The following RBM39 variants were observed in gnomAD, a reference collection of about 807,000 sequenced individuals.
The protein encoded by RBM39 is RNA-binding protein 39.
RBM39 carries 12 observed loss-of-function variants against 79.6 expected under a neutral mutation model. That is an observed-to-expected ratio of 0.15 (90% CI 0.10 to 0.24). The LOEUF is 0.24. RBM39 is among the 10% of genes least tolerant of loss of function. The probability of loss-of-function intolerance (pLI) is 1.00; values close to 1 mark genes in which losing one functional copy is unlikely to be tolerated. For missense variants in RBM39, 243 were observed against 653.4 expected (o/e 0.37, Z 6.85); for synonymous variants, 185 against 208.4 (o/e 0.89, Z 0.97).
chr20:35,708,851 A>T (rs1034117756), intron 13 of RBM39: 11 of 192,930 alleles, frequency 5.7e-5, no homozygotes, highest in Non-Finnish European at 1.1e-4. Context: ...ATACTAAGAC[A>T]ACTTCCAGAT....
intron 9 of RBM39, among the ~76,000 whole-genome samples, chr20:35,718,081 G>C (rs1160998613): frequency 6.6e-6 from 1 of 151,948 alleles, no homozygotes; most frequent in Non-Finnish European, 1.5e-5. Context: ...GGATGGTCTT[G>C]ATCTCCTGAC....
Position 35,731,675 on chromosome 20 carries a change from A to C in RBM39, c.296+266T>G, listed in dbSNP as rs1179296011. 4 of 479,048 alleles carry C rather than the reference A, an allele frequency of 8.3e-6. No homozygotes were observed. The Admixed American group carries it at 1.5e-4, about 18-fold the overall frequency. 29.7% of individuals were successfully genotyped at this position (479,048 alleles called of 1,614,324 possible). On this transcript the variant is annotated intron_variant, in intron 4 of 16. Coordinates refer to ENST00000253363, the MANE Select transcript of RBM39 (RefSeq NM_184234.3). ...TTCAAGCACTCTAGTGCTTTCATCC[A>C]GTTTGCGTTGACTGGCATACAATTT... is the stretch of plus-strand genomic sequence containing the variant.
At chr20:35,725,908 C>T (rs2038626828) in intron 6 of RBM39, among the ~76,000 whole-genome samples, 1 of 152,060 alleles carries the variant, frequency 6.6e-6, no homozygotes, top group Non-Finnish European at 1.5e-5. Context: ...AGGTGATGTG[C>T]CCGCCTCGGC....
At position 35,729,649 on chromosome 20, in the gene RBM39, G is replaced by A. The variant is rs1042196607; in HGVS notation, c.297-122C>T. The A allele has an allele frequency of 1.9e-5, 16 of 852,482 alleles. No individual in the cohort carries two copies. The East Asian group carries it at 3.1e-4, about 17-fold the overall frequency. The allele number at this position is 852,482 out of a possible 1,614,324, so 52.8% of individuals were successfully genotyped here. A position where few individuals can be genotyped will look rare whatever the true frequency, so the allele number is the denominator to read the frequency against. ...ACTGCTTTTCCACCTCAGTTATGAA[G>A]AGGAAACAAAAATACTTGTCTCTTA... On this transcript the variant is annotated intron_variant, in intron 4 of 16. Coordinates refer to ENST00000253363, the MANE Select transcript of RBM39 (RefSeq NM_184234.3).
intron 14 of RBM39, 89 bp from the exon 15 acceptor site, chr20:35,705,419 G>T: frequency 1.4e-6 from 1 of 739,950 alleles, no homozygotes. Flanking sequence ...AATATTCTAT[G>T]AATTAAAAAA....
intron 9 of RBM39, among the ~76,000 whole-genome samples, chr20:35,718,026 A>T (rs1600467281): frequency 6.6e-6 from 1 of 151,696 alleles, no homozygotes; most frequent in East Asian, 2.0e-4. Context: ...GCCCAGCTAA[A>T]TTTTTTGTAT....
intron 4 of RBM39, 80 bp from the exon 5 acceptor site, chr20:35,729,607 C>G: frequency 1.6e-6 from 2 of 1,286,154 alleles, no homozygotes; most frequent in East Asian, 4.6e-5. Flanking sequence ...TCCAGCAAGA[C>G]TAACATTGTT....
At chr20:35,709,797 A>G (rs536058852) in intron 12 of RBM39, among the ~76,000 whole-genome samples, 1 of 152,322 alleles carries the variant, frequency 6.6e-6, no homozygotes, top group South Asian at 2.1e-4. Flanking sequence ...CAGTATGCAT[A>G]TATTATTTTT....
rs1328603714 is a variant in RBM39, at chr20:35,724,627, T to C, written c.630A>G (p.Ala210=). 1.2e-6 allele frequency: 2 copies of C among 1,614,056 alleles called. No individual in the cohort carries two copies. Among genetic ancestry groups the C allele is most frequent in the South Asian group, 2.2e-5 (2 of 91,084 alleles). ...EFVDVSSVPL[A]IGLTGQRVLG... is the part of the protein sequence containing the mutation. ...AAACTCGTTGGCCAGTTAATCCTAT[T>C]GCTAGAGGCACTGAGCTAACATCGA... Residue 210 remains alanine, a synonymous_variant, in exon 8 of 17, where the codon GCA becomes GCG. Coordinates refer to ENST00000253363, the MANE Select transcript of RBM39 (RefSeq NM_184234.3).
chr20:35,719,602 G>C (rs1416321759), intron 9 of RBM39, among the ~76,000 whole-genome samples: 1 of 151,958 alleles, frequency 6.6e-6, no homozygotes, highest in African/African-American at 2.4e-5. Flanking sequence ...AATTGAACCT[G>C]GGAGGCGGAG....
intron 16 of RBM39, 36 bp downstream of exon 16, chr20:35,704,632 T>TA: frequency 6.2e-7 from 1 of 1,611,154 alleles, no homozygotes; most frequent in Non-Finnish European, 8.5e-7. Flanking sequence ...TATAGAGCCT[T>TA]AATAACAATC....
rs547410561 is a variant in RBM39 at position 35,739,895 on chromosome 20, GGAGTA to G, written c.52-883_52-879del. 1.5e-3 allele frequency: 265 copies of G among 171,668 alleles called. 1 individual carries two copies. The highest frequency in any genetic ancestry group is 6.2e-3 in the African/African-American group (261 of 41,920). The allele number at this position is 171,668 out of a possible 1,614,324, so 10.6% of individuals were successfully genotyped here. On this transcript the variant is annotated intron_variant, in intron 2 of 16. Coordinates refer to ENST00000253363, the MANE Select transcript of RBM39 (RefSeq NM_184234.3). The stretch of plus-strand genomic sequence containing the variant: ...TTAAAGTTTGATTACATCAGCTATA[GGAGTA>G]AAGTGCTAACTTACAAAGCTTACAG...
Position 35,714,402 on chromosome 20 carries a change from G to C in RBM39, c.892-13C>G. The C allele has an allele frequency of 6.2e-7, 1 of 1,612,106 alleles. No homozygotes were observed. Among genetic ancestry groups the C allele is most frequent in the Non-Finnish European group, 8.5e-7 (1 of 1,178,716 alleles). Reference sequence around the variant, plus strand: ...CTGAGTCAGAAAACTACATGATAGGGGAGGCAAGGACAGGAGACAGTGCTT... The same window carrying C: ...CTGAGTCAGAAAACTACATGATAGGCGAGGCAAGGACAGGAGACAGTGCTT... On this transcript the variant is annotated splice_polypyrimidine_tract_variant and intron_variant, in intron 10 of 16. Coordinates refer to ENST00000253363, the MANE Select transcript of RBM39 (RefSeq NM_184234.3).
chr20:35,731,530 T>C (rs931369278), intron 4 of RBM39: 1 of 167,834 alleles, frequency 6.0e-6, no homozygotes, highest in African/African-American at 2.4e-5. Context: ...ATTATACATG[T>C]GTAACTTAGT....
chr20:35,736,447 G>T, intron 3 of RBM39: 1 of 313,340 alleles, frequency 3.2e-6, no homozygotes, highest in East Asian at 8.9e-5. Flanking sequence ...AAAAAATAGT[G>T]GCTTAACAAG....
intron 9 of RBM39, 44 bp from the exon 10 acceptor site, chr20:35,716,849 C>A: frequency 7.6e-7 from 1 of 1,321,790 alleles, no homozygotes; most frequent in African/African-American, 1.5e-5. Flanking sequence ...AAGCAGAGTA[C>A]AAAACTACTT....
intron 3 of RBM39, chr20:35,734,373 T>C (rs2039690167): frequency 2.3e-6 from 1 of 440,134 alleles, no homozygotes; most frequent in South Asian, 2.2e-5. Context: ...CATGCCCAGA[T>C]GGGCAATAGG....
intron 6 of RBM39, among the ~76,000 whole-genome samples, chr20:35,728,634 G>A (rs897422249): frequency 7.9e-5 from 12 of 152,024 alleles, no homozygotes; most frequent in African/African-American, 2.2e-4. Flanking sequence ...AAAATTTGCC[G>A]GGCATTGTGG....
At chr20:35,726,423 G>A (rs542410746) in intron 6 of RBM39, among the ~76,000 whole-genome samples, 5 of 152,210 alleles carry the variant, frequency 3.3e-5, no homozygotes, top group African/African-American at 9.6e-5. Context: ...CAGCCACCAC[G>A]CCTGGCCCAA....
Sources: allele counts gnomAD v4.1 joint callset (sites outside exome capture counted in the v4.1 genomes callset), GRCh38; gene constraint gnomAD v4.1.1; transcripts MANE v1.5; gene names NCBI Gene and HGNC (gene_info 2026-07-23, HGNC 2026-07-21).